Variants in KLHL4 observed in about 807,000 individuals in gnomAD.
KLHL4 encodes kelch like family member 4.
A neutral mutation model predicts 45.8 loss-of-function variants in KLHL4; 17 were observed. The ratio of observed to expected loss-of-function variants is 0.37; its 90% CI spans 0.25 to 0.56. The LOEUF (loss-of-function observed/expected upper bound fraction) is 0.56, where lower values mean the gene tolerates loss of function less well. Among genes scored for constraint, KLHL4 ranks in the 20% least tolerant of loss-of-function variants. The pLI is 0.79. For missense variants in KLHL4, 544 were observed against 544.9 expected, an observed-to-expected ratio of 1.00 and a Z score of 0.02; for synonymous variants, 224 against 189.9, an observed-to-expected ratio of 1.18 and a Z score of -1.47.
intron 1 of KLHL4, among the ~76,000 whole-genome samples, chrX:87,520,923 A>G (rs1342367542): frequency 9.8e-5 from 11 of 112,255 alleles, no homozygotes; most frequent in Non-Finnish European, 5.6e-5. Context: ...AAGTATACAG[A>G]TGGATGTCAC....
intron 1 of KLHL4, among the ~76,000 whole-genome samples, chrX:87,527,484 G>A (rs921190662): frequency 1.3e-4 from 15 of 111,164 alleles, no homozygotes; most frequent in Non-Finnish European, 2.8e-4. Context: ...AAAGCCACGC[G>A]ACACTCTCCT....
chrX:87,518,530 T>A (rs1930937386), intron 1 of KLHL4, among the ~76,000 whole-genome samples: 1 of 111,832 alleles, frequency 8.9e-6, no homozygotes, highest in African/African-American at 3.3e-5. Context: ...GGGGGTGGGT[T>A]ATGAGTTTAC....
intron 1 of KLHL4, among the ~76,000 whole-genome samples, chrX:87,567,070 T>TA (rs1394698535): frequency 6.3e-5 from 7 of 110,966 alleles, no homozygotes; most frequent in Non-Finnish European, 1.3e-4. Context: ...AAATAGAAGT[T>TA]AAAAAAAGGC....
At chrX:87,608,331 G>A (rs1307057028) in intron 1 of KLHL4, among the ~76,000 whole-genome samples, 3 of 111,468 alleles carry the variant, frequency 2.7e-5, no homozygotes, top group Admixed American at 9.6e-5. Flanking sequence ...TTCAAAATGT[G>A]AATTCCCAGT....
At chrX:87,606,817 TTTTC>T (rs1293092323) in intron 1 of KLHL4, among the ~76,000 whole-genome samples, 1 of 111,699 alleles carries the variant, frequency 9.0e-6, no homozygotes, top group Non-Finnish European at 1.9e-5. Context: ...GTAGAAACTA[TTTTC>T]TTTATTTTCA....
chrX:87,648,940 T>C (rs185110757), intron 9 of KLHL4, among the ~76,000 whole-genome samples: 66 of 112,088 alleles, frequency 5.9e-4, no homozygotes, highest in Middle Eastern at 4.7e-3. Flanking sequence ...GATTCAAATA[T>C]ATGTGACACT....
At chrX:87,597,605 G>A (rs987902602) in intron 1 of KLHL4, among the ~76,000 whole-genome samples, 7 of 111,547 alleles carry the variant, frequency 6.3e-5, no homozygotes, top group African/African-American at 6.5e-5. Flanking sequence ...ATATGGAAAG[G>A]CTATTAGATA....
chrX:87,645,702 A>G (rs1345049333), intron 9 of KLHL4, among the ~76,000 whole-genome samples: 1 of 112,050 alleles, frequency 8.9e-6, no homozygotes, highest in African/African-American at 3.2e-5. Flanking sequence ...TATATACACA[A>G]TGGAATACTA....
chrX:87,617,956 C>G lies in KLHL4; in HGVS notation c.752C>G (p.Thr251Ser). The G allele has an allele frequency of 8.3e-7, 1 of 1,209,077 alleles. No homozygotes were observed. The highest frequency in any genetic ancestry group is 1.1e-6 in the Non-Finnish European group (1 of 893,716). Reference protein sequence around the residue: ...YTGVLQLKEDTIESLLAAACL... With the variant: ...YTGVLQLKEDSIESLLAAACL... ...GGAGTCCTGCAATTGAAAGAAGATA[C>G]CATTGAAAGTTTGCTGGCTGCAGCT... The change falls in exon 4 of 11, where the codon ACC becomes AGC. Residue 251 changes from threonine (T) to serine (S), a missense_variant. Thr to Ser is a moderately conservative substitution (Grantham distance 58). Coordinates refer to ENST00000373119, the MANE Select transcript of KLHL4 (RefSeq NM_019117.5).
At chrX:87,573,893 G>A (rs1921011755) in intron 1 of KLHL4, among the ~76,000 whole-genome samples, 1 of 111,290 alleles carries the variant, frequency 9.0e-6, no homozygotes, top group African/African-American at 3.3e-5. Context: ...ACAACCACAA[G>A]GTATTGAATG....
intron 9 of KLHL4, among the ~76,000 whole-genome samples, chrX:87,645,292 G>T (rs1267249040): frequency 1.8e-5 from 2 of 111,712 alleles, no homozygotes; most frequent in Non-Finnish European, 3.8e-5. Flanking sequence ...CAATAAACAT[G>T]TGAAAAATGC....
intron 1 of KLHL4, among the ~76,000 whole-genome samples, chrX:87,606,463 A>G (rs1922201222): frequency 9.0e-6 from 1 of 111,648 alleles, no homozygotes; most frequent in African/African-American, 3.2e-5. Flanking sequence ...AACTAAACAA[A>G]AATCATTAGC....
At chrX:87,640,629 A>AAGTCCAGC (rs1315593215) in intron 9 of KLHL4, among the ~76,000 whole-genome samples, 1 of 111,912 alleles carries the variant, frequency 8.9e-6, no homozygotes. Flanking sequence ...CCCTTTGACA[A>AAGTCCAGC]AGTCCAGCAT....
intron 4 of KLHL4, among the ~76,000 whole-genome samples, chrX:87,619,107 T>A (rs1342841562): frequency 9.0e-6 from 1 of 111,379 alleles, no homozygotes; most frequent in Non-Finnish European, 1.9e-5. Context: ...AGATGGATCA[T>A]TTTGTGAAAC....
chrX:87,543,560 G>A (rs778351609), intron 1 of KLHL4, among the ~76,000 whole-genome samples: 1 of 110,959 alleles, frequency 9.0e-6, no homozygotes, highest in African/African-American at 3.3e-5. Flanking sequence ...GGGGGAGGGA[G>A]AACACGGCAA....
At chrX:87,523,699 A>G (rs1931048920) in intron 1 of KLHL4, among the ~76,000 whole-genome samples, 1 of 111,941 alleles carries the variant, frequency 8.9e-6, no homozygotes, top group South Asian at 3.7e-4. Context: ...GTGGTGGCGC[A>G]TGCCTGTAAT....
At chrX:87,645,841 G>A (rs182392329) in intron 9 of KLHL4, among the ~76,000 whole-genome samples, 1 of 111,217 alleles carries the variant, frequency 9.0e-6, no homozygotes, top group East Asian at 2.8e-4. Context: ...ATATGTGGGA[G>A]CTAAACTATG....
intron 1 of KLHL4, among the ~76,000 whole-genome samples, chrX:87,595,207 T>TC (rs1401264516): frequency 9.0e-6 from 1 of 111,068 alleles, no homozygotes; most frequent in Non-Finnish European, 1.9e-5. Flanking sequence ...TGTGTGATGT[T>TC]CCCCTTCCTG....
Position 87,669,088 on chromosome X carries a change from GCAGAGATAACTTAT to G in KLHL4, c.*2558_*2571del. ...AGCAGGCCCTTTCTGACATGCTTTA[GCAGAGATAACTTAT>G]CAGGGCTAGTTTAAACAAATGTGTA... On this transcript the variant is annotated 3_prime_UTR_variant, in exon 11 of 11. Coordinates refer to ENST00000373119, the MANE Select transcript of KLHL4 (RefSeq NM_019117.5). 1.1e-6 allele frequency: 1 copy of G among 934,322 alleles called. No homozygotes were observed. The highest frequency in any genetic ancestry group is 1.3e-6 in the Non-Finnish European group (1 of 753,157). The allele number at this position is 934,322 out of a possible 1,213,427, so 77.0% of individuals were successfully genotyped here.
Sources: gnomAD v4.1 joint callset for allele counts (sites outside exome capture counted in the v4.1 genomes callset) on GRCh38, gnomAD v4.1.1 for gene constraint, MANE v1.5 for transcripts, NCBI Gene and HGNC (gene_info 2026-07-23, HGNC 2026-07-21) for gene names.